The following ALG9 variants were observed in gnomAD, a reference collection of about 807,000 sequenced individuals.
ALG9 encodes ALG9 alpha-1,2-mannosyltransferase.
ALG9 carries 55 observed loss-of-function variants against 81.8 expected under a neutral mutation model. The observed-to-expected ratio is 0.67, with a 90% CI of 0.54 to 0.84. The LOEUF (loss-of-function observed/expected upper bound fraction) is 0.84. ALG9 is among the 40% of genes least tolerant of loss of function. ALG9 has a pLI of 0.00. For synonymous variants in ALG9, 278 were observed against 274.3 expected (o/e 1.01, Z -0.13); for missense variants, 629 against 745.0 (o/e 0.84, Z 1.81).
downstream of ALG9, among the ~76,000 whole-genome samples, chr11:111,778,816 C>CTT (rs61190059): frequency 4.8e-4 from 66 of 138,586 alleles, no homozygotes; most frequent in African/African-American, 9.5e-4. Flanking sequence ...CTTTTCTTTT[C>CTT]TTTTTTTTTT....
At chr11:111,781,444 TAA>T (rs1319290412), downstream of ALG9, among the ~76,000 whole-genome samples, 1 of 151,970 alleles carries the variant, frequency 6.6e-6, no homozygotes, top group African/African-American at 2.4e-5. Context: ...ATATAAAAAT[TAA>T]AAAAAATTTA....
chr11:111,846,924 C>T (rs147565686), intron 8 of ALG9, among the ~76,000 whole-genome samples: 158 of 152,224 alleles, frequency 1.0e-3, no homozygotes, highest in African/African-American at 3.6e-3. Flanking sequence ...TGAAGGAAAG[C>T]TGGCAGCAGG....
At chr11:111,805,882 G>A (rs1032648407) in intron 14 of ALG9, among the ~76,000 whole-genome samples, 3 of 152,014 alleles carry the variant, frequency 2.0e-5, no homozygotes, top group African/African-American at 4.8e-5. Context: ...GCAAGGTCTC[G>A]CTCTGTCACC....
At chr11:111,779,230 T>C (rs1945794241), downstream of ALG9, among the ~76,000 whole-genome samples, 2 of 152,150 alleles carry the variant, frequency 1.3e-5, no homozygotes, top group South Asian at 4.1e-4. Flanking sequence ...TTGAAGCAGC[T>C]AACCAATCAA....
At chr11:111,772,103 A>T in the ALG9 span, among the ~76,000 whole-genome samples, 1 of 152,230 alleles carries the variant, frequency 6.6e-6, no homozygotes, top group Non-Finnish European at 1.5e-5. Flanking sequence ...CTTTGCTTGA[A>T]TTCTTGGGAA....
At chr11:111,830,184 C>T (rs952141271) in intron 13 of ALG9, among the ~76,000 whole-genome samples, 2 of 152,196 alleles carry the variant, frequency 1.3e-5, no homozygotes, top group Non-Finnish European at 2.9e-5. Flanking sequence ...CATCAATATC[C>T]TCCCATGATA....
intron 6 of ALG9, among the ~76,000 whole-genome samples, chr11:111,855,846 A>G (rs1375434220): frequency 2.0e-5 from 3 of 152,182 alleles, no homozygotes; most frequent in African/African-American, 4.8e-5. Flanking sequence ...ATAGAATAGA[A>G]GAAAGGAATG....
In ALG9 at chr11:111,795,611, C is replaced by A. The variant is rs148816688; in HGVS notation, c.1734-9091G>T. 3.9e-5 allele frequency among the ~76,000 whole-genome samples: 6 copies of A among 152,296 alleles called. No individual in the cohort carries two copies. The East Asian group carries it at 1.2e-3, about 29-fold the overall frequency. On this transcript the variant is annotated intron_variant, in intron 14 of 14. Coordinates refer to ENST00000616540, the MANE Select transcript of ALG9 (RefSeq NM_024740.2). Reference sequence around the variant, plus strand: ...AGACCCTTGATGTTCAATAAATATTCATGATTTTGACTATATGGAGCAACC... The same window carrying A: ...AGACCCTTGATGTTCAATAAATATTAATGATTTTGACTATATGGAGCAACC...
chr11:111,815,493 C>T (rs1256989445), intron 13 of ALG9, among the ~76,000 whole-genome samples: 1 of 152,150 alleles, frequency 6.6e-6, no homozygotes, highest in Non-Finnish European at 1.5e-5. Flanking sequence ...TTTTCACCAT[C>T]TCTGGGAAGC....
At chr11:111,788,771 C>T (rs1287372029) in intron 14 of ALG9, among the ~76,000 whole-genome samples, 13 of 151,570 alleles carry the variant, frequency 8.6e-5, no homozygotes, top group Admixed American at 8.6e-4. Context: ...AAAAGTTACT[C>T]TTTTCATCTA....
At chr11:111,841,118 A>G (rs1452458890) in intron 9 of ALG9, among the ~76,000 whole-genome samples, 2 of 152,222 alleles carry the variant, frequency 1.3e-5, no homozygotes, top group Admixed American at 1.3e-4. Flanking sequence ...TGAAGGAAAA[A>G]TAAGCCGTCT....
At chr11:111,845,731 G>A (rs949376289) in intron 8 of ALG9, among the ~76,000 whole-genome samples, 5 of 152,144 alleles carry the variant, frequency 3.3e-5, no homozygotes, top group Non-Finnish European at 5.9e-5. Context: ...TGTGACACCC[G>A]CCTTGCACCA....
chr11:111,841,151 A>G (rs1437607986), intron 9 of ALG9, among the ~76,000 whole-genome samples: 2 of 152,246 alleles, frequency 1.3e-5, no homozygotes, highest in Admixed American at 1.3e-4. Flanking sequence ...CCTGCCACTA[A>G]GACGAAAAGT....
intron 14 of ALG9, among the ~76,000 whole-genome samples, chr11:111,800,619 C>T (rs1315055369): frequency 6.6e-6 from 1 of 151,968 alleles, no homozygotes; most frequent in Non-Finnish European, 1.5e-5. Flanking sequence ...CTCCAGGTGT[C>T]TCCCCACTGC....
chr11:111,789,855 G>A (rs1947122400), intron 14 of ALG9, among the ~76,000 whole-genome samples: 1 of 151,054 alleles, frequency 6.6e-6, no homozygotes, highest in Admixed American at 6.6e-5. Flanking sequence ...GAAAACAGAG[G>A]GTCAATTGGA....
intron 14 of ALG9, among the ~76,000 whole-genome samples, chr11:111,807,767 G>A (rs1555086704): frequency 6.6e-6 from 1 of 152,166 alleles, no homozygotes; most frequent in East Asian, 1.9e-4. Flanking sequence ...CTCCAGACTG[G>A]GAGAAAGAGC....
intron 5 of ALG9, among the ~76,000 whole-genome samples, chr11:111,858,942 T>C (rs1438366467): frequency 6.6e-6 from 1 of 152,184 alleles, no homozygotes; most frequent in African/African-American, 2.4e-5. Context: ...CAGTGGCTCA[T>C]GTCTTTAATC....
the ALG9 span, among the ~76,000 whole-genome samples, chr11:111,775,325 T>C: frequency 6.6e-6 from 1 of 151,948 alleles, no homozygotes; most frequent in Non-Finnish European, 1.5e-5. Flanking sequence ...GTCACAGGAG[T>C]AAGAAGGGAC....
chr11:111,870,090 G>T, intron 2 of ALG9, 142 bp downstream of exon 2: 2 of 1,020,370 alleles, frequency 2.0e-6, no homozygotes, highest in Non-Finnish European at 2.7e-6. Flanking sequence ...GGGATTATAG[G>T]CCTGTTTTTT....
Sources: allele counts gnomAD v4.1 joint callset (sites outside exome capture counted in the v4.1 genomes callset), GRCh38; gene constraint gnomAD v4.1.1; transcripts MANE v1.5; gene names NCBI Gene and HGNC (gene_info 2026-07-23, HGNC 2026-07-21).